Variants in TG observed in about 807,000 individuals in gnomAD.
TG encodes the protein thyroid hormones.
In TG, 270 loss-of-function variants were observed where a neutral mutation model predicts 324.7. The ratio of observed to expected loss-of-function variants is 0.83; its 90% CI spans 0.75 to 0.92. TG has a LOEUF of 0.92. Among genes scored for constraint, TG ranks in the 40% least tolerant of loss-of-function variants. The probability of loss-of-function intolerance (pLI) is 0.00; values close to 1 mark genes in which losing one functional copy is unlikely to be tolerated. For synonymous variants in TG, 1,401 were observed against 1,327.0 expected (o/e 1.06, Z -1.21); for missense variants, 3,591 against 3,456.4 (o/e 1.04, Z -0.98).
At chr8:133,112,160 A>G (rs1433107880) in intron 43 of TG, among the ~76,000 whole-genome samples, 1 of 152,126 alleles carries the variant, frequency 6.6e-6, no homozygotes, top group Non-Finnish European at 1.5e-5. Context: ...GTTCCCACCC[A>G]GGAGGGACTG....
chr8:132,909,318 G>A (rs1169825382), intron 18 of TG, among the ~76,000 whole-genome samples: 1 of 152,176 alleles, frequency 6.6e-6, no homozygotes, highest in Non-Finnish European at 1.5e-5. Flanking sequence ...GATGTGTCAT[G>A]GGAAGATGGA....
intron 29 of TG, among the ~76,000 whole-genome samples, chr8:132,963,971 C>T (rs181972402): frequency 1.7e-3 from 264 of 152,124 alleles, no homozygotes; most frequent in Admixed American, 4.7e-3. Flanking sequence ...TTGTCTACCT[C>T]TTATCCCGTT....
At chr8:133,050,395 T>C (rs558606686) in intron 41 of TG, 151 of 273,364 alleles carry the variant, frequency 5.5e-4, no homozygotes, top group African/African-American at 3.1e-3. Flanking sequence ...TCATGTTCTA[T>C]AGCCCATATT....
At chr8:133,028,950 G>T (rs531928753) in intron 40 of TG, among the ~76,000 whole-genome samples, 1 of 152,114 alleles carries the variant, frequency 6.6e-6, no homozygotes, top group South Asian at 2.1e-4. Flanking sequence ...GGGCTGGGCC[G>T]CTGACACACA....
chr8:132,951,197 G>A (rs1306080304), intron 27 of TG, among the ~76,000 whole-genome samples: 2 of 152,046 alleles, frequency 1.3e-5, no homozygotes, highest in African/African-American at 4.8e-5. Context: ...AAACTGAATT[G>A]TGTTTCATTA....
intron 35 of TG, among the ~76,000 whole-genome samples, chr8:133,001,283 G>A (rs1238386892): frequency 6.6e-6 from 1 of 152,174 alleles, no homozygotes; most frequent in Non-Finnish European, 1.5e-5. Context: ...GCACTGAGAT[G>A]CGGAGTCGAA....
At chr8:133,045,966 T>C (rs1273632002) in intron 41 of TG, among the ~76,000 whole-genome samples, 1 of 152,210 alleles carries the variant, frequency 6.6e-6, no homozygotes, top group Admixed American at 6.5e-5. Context: ...TGCTTAGTCT[T>C]CTCAGAAATC....
chr8:133,080,987 G>C lies in TG; in HGVS notation c.7240-14057G>C, dbSNP rs1285646673. Among the ~76,000 whole-genome samples, 4 of 152,286 alleles carry C rather than the reference G, an allele frequency of 2.6e-5. No homozygotes were observed. The East Asian group carries it at 5.8e-4, about 22-fold the overall frequency. ...GGAATGGGACACATTGCGTATTGGA[G>C]TAACGAGCAAGAGAGGATTTGAAGT... On this transcript the variant is annotated intron_variant, in intron 41 of 47. Transcript: ENST00000220616.
In TG at chr8:132,882,749, G is replaced by A. The variant is rs889582383; in HGVS notation, c.890-65G>A. On this transcript the variant is annotated intron_variant, in intron 7 of 47. Transcript: ENST00000220616. ...AAAGAATCGTTAAGAGCAAACAGCA[G>A]TGCATGCTGTGAAGACACCAAGCAT... 16 of 1,603,730 alleles carry A rather than the reference G, an allele frequency of 1.0e-5. No individual in the cohort carries two copies. The East Asian group carries it at 3.1e-4, about 31-fold the overall frequency.
chr8:133,084,745 G>A (rs751078198), intron 41 of TG, among the ~76,000 whole-genome samples: 13 of 152,250 alleles, frequency 8.5e-5, no homozygotes, highest in Admixed American at 5.2e-4. Flanking sequence ...AGACCCCTTA[G>A]AGCGCTCCCC....
chr8:132,972,892 A>G lies in TG; in HGVS notation c.6199+151A>G, dbSNP rs958992382. 12 of 1,104,482 alleles carry G rather than the reference A, an allele frequency of 1.1e-5. No individual in the cohort carries two copies. The Admixed American group carries it at 1.5e-4, about 14-fold the overall frequency. The allele number at this position is 1,104,482 out of a possible 1,614,324, so 68.4% of individuals were successfully genotyped here. A position where few individuals can be genotyped will look rare whatever the true frequency, so the allele number is the denominator to read the frequency against. On this transcript the variant is annotated intron_variant, in intron 34 of 47. Transcript: ENST00000220616. ...AATAGATTCTGTTTAACTTAAGCAGACAAGAAACTTATTGAAAGTTTGCTC... is the reference window on the plus strand; with the variant it reads ...AATAGATTCTGTTTAACTTAAGCAGGCAAGAAACTTATTGAAAGTTTGCTC...
chr8:133,090,314 T>A (rs1346722525), intron 41 of TG, among the ~76,000 whole-genome samples: 1 of 152,112 alleles, frequency 6.6e-6, no homozygotes, highest in African/African-American at 2.4e-5. Context: ...GGGTTTGGAG[T>A]TGGAACACCT....
Position 132,948,913 on chromosome 8 carries a change from T to C in TG, c.5371T>C (p.Leu1791=), listed in dbSNP as rs866856474. The change falls in exon 27 of 48, where the codon TTG becomes CTG. Residue 1791 remains leucine, a synonymous_variant. Transcript: ENST00000220616. The part of the protein sequence containing the change: ...TYDQESHQVI[L]RLGDQEFIKS... The stretch of plus-strand genomic sequence containing the variant: ...TGACCAGGAGAGCCACCAGGTGATA[T>C]TGCGTCTTGGAGACCAGGAGTTCAT... 4 of 1,614,004 alleles carry C rather than the reference T, an allele frequency of 2.5e-6. No individual in the cohort carries two copies. Among genetic ancestry groups the C allele is most frequent in the Middle Eastern group, 3.3e-4 (2 of 6,062 alleles).
chr8:133,102,415 A>C (rs1271317978), intron 43 of TG: 11 of 705,866 alleles, frequency 1.6e-5, no homozygotes, highest in Admixed American at 1.0e-4. Flanking sequence ...GCAGAGACCC[A>C]CCCATTTTCT....
chr8:133,057,526 C>T (rs1307640424), intron 41 of TG, among the ~76,000 whole-genome samples: 2 of 152,126 alleles, frequency 1.3e-5, no homozygotes, highest in African/African-American at 4.8e-5. Context: ...TTTGCTGGTG[C>T]CTGCCCTGCA....
rs1827680257 is a variant in TG, at chr8:132,961,027, AACTCAAGACACCTTT to A, written c.5424_5438del (p.Gln1809_Thr1813del). The A allele has an allele frequency of 6.2e-7, 1 of 1,613,940 alleles. No homozygotes were observed. Among genetic ancestry groups the A allele is most frequent in the Non-Finnish European group, 8.5e-7 (1 of 1,179,950 alleles). On this transcript the variant is annotated inframe_deletion, in exon 28 of 48. Transcript: ENST00000220616. The stretch of plus-strand genomic sequence containing the variant: ...TTGCAGGTCTGACACCCTTAGAAGG[AACTCAAGACACCTTT>A]ACCAATTTTCAGCAGGTTTATCTCT...
At chr8:132,918,604 T>A (rs938985531) in intron 20 of TG, among the ~76,000 whole-genome samples, 4 of 152,172 alleles carry the variant, frequency 2.6e-5, no homozygotes, top group African/African-American at 9.7e-5. Flanking sequence ...TGGTACTGAC[T>A]TCTCTGCCAG....
intron 41 of TG, among the ~76,000 whole-genome samples, chr8:133,091,730 ATGTG>A (rs1167978786): frequency 1.3e-5 from 2 of 151,022 alleles, no homozygotes; most frequent in East Asian, 3.9e-4. Context: ...GTGTGTGTCT[ATGTG>A]TGTGGGTGTA....
chr8:132,928,021 G>A (rs1822131801), intron 22 of TG, among the ~76,000 whole-genome samples: 1 of 152,146 alleles, frequency 6.6e-6, no homozygotes, highest in Non-Finnish European at 1.5e-5. Flanking sequence ...CAACACTTTT[G>A]AAGGCTTAGA....
Sources: allele counts gnomAD v4.1 joint callset (sites outside exome capture counted in the v4.1 genomes callset), GRCh38; gene constraint gnomAD v4.1.1; transcripts MANE v1.5; gene names NCBI Gene and HGNC (gene_info 2026-07-23, HGNC 2026-07-21).